LRIF1: variants seen among roughly 807,000 people sequenced by gnomAD.
The protein encoded by LRIF1 is ligand dependent nuclear receptor interacting factor 1.
Under a neutral mutation model 52.7 loss-of-function variants are expected in LRIF1, and 32 were observed. That is an observed-to-expected ratio of 0.61 (90% CI 0.46 to 0.82). The LOEUF (loss-of-function observed/expected upper bound fraction) is 0.82, where lower values mean the gene tolerates loss of function less well. Ranked by LOEUF, LRIF1 falls within the 40% of genes least tolerant of loss-of-function variation. The pLI is 0.00. For missense variants in LRIF1, 887 were observed against 892.0 expected, an observed-to-expected ratio of 0.99 and a Z score of 0.07; for synonymous variants, 323 against 317.4, an observed-to-expected ratio of 1.02 and a Z score of -0.19.
At chr1:110,900,779 A>T in the LRIF1 span, among the ~76,000 whole-genome samples, 1 of 151,302 alleles carries the variant, frequency 6.6e-6, no homozygotes, top group African/African-American at 2.4e-5. Flanking sequence ...AAAAAAAAGG[A>T]GATTATAGAC....
At chr1:110,880,282 T>C in the LRIF1 span, 3 of 152,216 alleles carry the variant, frequency 2.0e-5, no homozygotes, top group African/African-American at 7.2e-5. Flanking sequence ...GGAGCAGCAT[T>C]CTCTCTGGGG....
the LRIF1 span, among the ~76,000 whole-genome samples, chr1:110,908,688 A>G: frequency 6.6e-6 from 1 of 152,098 alleles, no homozygotes; most frequent in East Asian, 1.9e-4. Context: ...GCAGATAAAA[A>G]TAAAAAAAAA....
At chr1:110,889,856 G>A in the LRIF1 span, among the ~76,000 whole-genome samples, 2 of 152,108 alleles carry the variant, frequency 1.3e-5, no homozygotes, top group Non-Finnish European at 2.9e-5. Context: ...ATATTCAAAT[G>A]CATTTATAAT....
the LRIF1 span, among the ~76,000 whole-genome samples, chr1:110,914,993 TATAAGA>T: frequency 6.6e-6 from 1 of 151,952 alleles, no homozygotes; most frequent in Non-Finnish European, 1.5e-5. Context: ...CAAAAGAAAG[TATAAGA>T]ATGTCAGTAG....
At chr1:110,922,934 G>T in the LRIF1 span, among the ~76,000 whole-genome samples, 124 of 152,230 alleles carry the variant, frequency 8.1e-4, no homozygotes, top group Non-Finnish European at 5.3e-4. Flanking sequence ...CTCCTCCATA[G>T]TCAAAGCTCT....
the LRIF1 span, among the ~76,000 whole-genome samples, chr1:110,883,097 T>C: frequency 6.6e-6 from 1 of 151,962 alleles, no homozygotes. Context: ...CAATGCCAAA[T>C]AGAGTAGTTA....
the LRIF1 span, among the ~76,000 whole-genome samples, chr1:110,925,707 T>C: frequency 6.6e-6 from 1 of 152,148 alleles, no homozygotes; most frequent in Non-Finnish European, 1.5e-5. Flanking sequence ...ACATATAATA[T>C]GTAATTGTAT....
rs766365645 is a variant in LRIF1, at chr1:110,952,785, C to T, written c.99G>A (p.Gln33=). Residue 33 remains glutamine, a synonymous_variant, in exon 2 of 4, where the codon CAG becomes CAA. Coordinates refer to ENST00000369763, the MANE Select transcript of LRIF1 (RefSeq NM_018372.4). ...CVSGCMYQVV[Q]TIGSDGKNLL... ...GATTTTTTCCATCCGAGCCAATCGT[C>T]TGAACTACTTGGTACATGCAGCCTG... 3 of 1,610,454 alleles carry T rather than the reference C, an allele frequency of 1.9e-6. No homozygotes were observed. In the African/African-American group the frequency reaches 4.0e-5, roughly 22 times the overall value.
intron 1 of LRIF1, among the ~76,000 whole-genome samples, chr1:110,962,601 C>A (rs1659005892): frequency 6.6e-6 from 1 of 152,188 alleles, no homozygotes; most frequent in Non-Finnish European, 1.5e-5. Flanking sequence ...TATTTTCCTA[C>A]ACGACGTATT....
chr1:110,949,136 T>C (rs1658344992), intron 3 of LRIF1, among the ~76,000 whole-genome samples: 1 of 151,954 alleles, frequency 6.6e-6, no homozygotes, highest in South Asian at 2.1e-4. Context: ...ATTTTTTTTT[T>C]GAGACAGAGT....
intron 3 of LRIF1, among the ~76,000 whole-genome samples, chr1:110,949,266 G>A (rs577717171): frequency 1.3e-5 from 2 of 151,646 alleles, no homozygotes; most frequent in South Asian, 2.1e-4. Flanking sequence ...CTACAGGTGC[G>A]TGCTACCTCA....
chr1:110,916,713 G>A, the LRIF1 span, among the ~76,000 whole-genome samples: 1 of 152,108 alleles, frequency 6.6e-6, no homozygotes, highest in South Asian at 2.1e-4. Flanking sequence ...TAAAGATACT[G>A]AAATTGAAAG....
Position 110,947,992 on chromosome 1 carries a change from A to G in LRIF1, c.2277T>C (p.Leu759=). 6.3e-7 allele frequency: 1 copy of G among 1,589,496 alleles called. No homozygotes were observed. Among genetic ancestry groups the G allele is most frequent in the Non-Finnish European group, 8.5e-7 (1 of 1,170,652 alleles). The stretch of plus-strand genomic sequence containing the variant: ...GGTGCATCTTCTTACGCATTTCTTC[A>G]AGAGCTGCTTCTTTCTCTCTCAGCA... The part of the protein sequence containing the change: ...KQVLREKEAA[L]EEMRKKMHQK The change falls in exon 4 of 4, where the codon CTT becomes CTC. Residue 759 remains leucine, a synonymous_variant. Transcript: ENST00000369763.
the LRIF1 span, among the ~76,000 whole-genome samples, chr1:110,927,634 A>G: frequency 5.9e-5 from 9 of 152,276 alleles, no homozygotes; most frequent in South Asian, 1.0e-3. Flanking sequence ...CTTCATGCCA[A>G]TGAGATGAGT....
At chr1:110,890,106 GAAACTGC>G in the LRIF1 span, among the ~76,000 whole-genome samples, 1 of 152,236 alleles carries the variant, frequency 6.6e-6, no homozygotes, top group South Asian at 2.1e-4. Context: ...CAGGTACCTT[GAAACTGC>G]AAAGGAGATA....
At chr1:110,888,782 T>C in the LRIF1 span, among the ~76,000 whole-genome samples, 3 of 152,362 alleles carry the variant, frequency 2.0e-5, no homozygotes, top group South Asian at 2.1e-4. Context: ...TTTACACTTA[T>C]AGCACATAGT....
At chr1:110,891,372 T>A in the LRIF1 span, 1 of 1,553,484 alleles carries the variant, frequency 6.4e-7, no homozygotes, top group Non-Finnish European at 8.9e-7. Flanking sequence ...TAACTTACTT[T>A]CTTCTTCCTT....
chr1:110,935,513 AT>A, the LRIF1 span, among the ~76,000 whole-genome samples: 3 of 152,210 alleles, frequency 2.0e-5, no homozygotes, highest in African/African-American at 4.8e-5. Context: ...AAGAATTACA[AT>A]TTTTTCAGCA....
the LRIF1 span, among the ~76,000 whole-genome samples, chr1:110,923,208 G>A: frequency 6.6e-6 from 1 of 152,178 alleles, no homozygotes; most frequent in Non-Finnish European, 1.5e-5. Context: ...GCTGAGGCAG[G>A]AGAATCTCTT....
Sources: gnomAD v4.1 joint callset for allele counts (sites outside exome capture counted in the v4.1 genomes callset) on GRCh38, gnomAD v4.1.1 for gene constraint, MANE v1.5 for transcripts, NCBI Gene and HGNC (gene_info 2026-07-23, HGNC 2026-07-21) for gene names.